The following NOL4 variants were observed in gnomAD, a reference collection of about 807,000 sequenced individuals.
The protein encoded by NOL4 is cancer/testis antigen 125.
A neutral mutation model predicts 75.9 loss-of-function variants in NOL4; 17 were observed. The observed-to-expected ratio is 0.22, with a 90% CI of 0.15 to 0.34. The LOEUF is 0.34. NOL4 is among the 10% of genes least tolerant of loss of function. The pLI is 1.00. For missense variants in NOL4, 614 were observed against 793.5 expected (o/e 0.77, Z 2.72); for synonymous variants, 292 against 289.9 (o/e 1.01, Z -0.07).
Position 33,969,758 on chromosome 18 carries a change from C to CAAAA in NOL4, c.1057-11344_1057-11341dup, listed in dbSNP as rs5823932. On this transcript the variant is annotated intron_variant, in intron 6 of 10. Coordinates refer to ENST00000261592, the MANE Select transcript of NOL4 (RefSeq NM_003787.5). ...TTTTGACATTTTTCCAGTGCTTGTC[C>CAAAA]AAAAAAAAAAAAAAAGATCAAATTT... 3.1e-3 allele frequency among the ~76,000 whole-genome samples: 431 copies of CAAAA among 140,904 alleles called. 3 individuals are homozygous for CAAAA. The highest frequency in any genetic ancestry group is 0.019 in the Middle Eastern group (5 of 260). The allele number at this position is 140,904 out of a possible 152,430, so 92.4% of individuals were successfully genotyped here.
intron 2 of NOL4, among the ~76,000 whole-genome samples, chr18:34,124,734 A>C (rs11081845): frequency 0.22 from 33,518 of 151,828 alleles, 4,357 homozygotes; most frequent in East Asian, 0.43. Context: ...GTGAAACCCC[A>C]TCTCTACTTA....
chr18:33,945,944 G>A (rs949406067), intron 8 of NOL4, among the ~76,000 whole-genome samples: 6 of 151,580 alleles, frequency 4.0e-5, no homozygotes, highest in Non-Finnish European at 7.4e-5. Context: ...CTCAGGTTTC[G>A]TGTCTCCCAA....
Position 34,019,547 on chromosome 18 carries a change from A to C in NOL4, c.827T>G (p.Ile276Ser). The C allele has an allele frequency of 6.2e-7, 1 of 1,614,000 alleles. No individual in the cohort carries two copies. The highest frequency in any genetic ancestry group is 8.5e-7 in the Non-Finnish European group (1 of 1,179,954). Reference sequence around the variant, plus strand: ...CCTGCTGTGTGTTCCCCCTGAAGCAATTGAACTGTGCCCCAGAGTCTCATT... The same window carrying C: ...CCTGCTGTGTGTTCCCCCTGAAGCACTTGAACTGTGCCCCAGAGTCTCATT... The part of the protein sequence containing the change: ...NGNETLGHSS[I>S]ASGGTHSREM... Residue 276 changes from isoleucine (I) to serine (S), a missense_variant, in exon 6 of 11, where the codon ATT becomes AGT. Around this residue, in one of 9 missense-constraint regions of NOL4, gnomAD observed 196 missense variants for 167.9 expected, o/e 1.17. Transcript: ENST00000261592.
intron 2 of NOL4, among the ~76,000 whole-genome samples, chr18:34,125,632 A>G (rs2080349335): frequency 6.6e-6 from 1 of 152,176 alleles, no homozygotes. Flanking sequence ...TAGATATGAT[A>G]GTATAAATAT....
chr18:33,954,145 A>C (rs2069465294), intron 8 of NOL4, among the ~76,000 whole-genome samples: 1 of 152,186 alleles, frequency 6.6e-6, no homozygotes, highest in African/African-American at 2.4e-5. Flanking sequence ...ACTGTCTCAT[A>C]TACTTTAAAT....
At chr18:34,122,281 A>G (rs1268489878) in intron 2 of NOL4, among the ~76,000 whole-genome samples, 2 of 152,154 alleles carry the variant, frequency 1.3e-5, no homozygotes, top group African/African-American at 4.8e-5. Flanking sequence ...TACTTATCAT[A>G]AGACAACTAA....
chr18:33,969,744 T>G (rs1005227250), intron 6 of NOL4, among the ~76,000 whole-genome samples: 2 of 138,724 alleles, frequency 1.4e-5, no homozygotes, highest in African/African-American at 5.4e-5. Context: ...TTTGACATTT[T>G]TCCAGTGCTT....
intron 1 of NOL4, among the ~76,000 whole-genome samples, chr18:34,210,643 C>T (rs977496469): frequency 4.6e-5 from 7 of 152,248 alleles, no homozygotes; most frequent in African/African-American, 1.7e-4. Context: ...ACTAGTGAAG[C>T]TCTATTAAAA....
intron 5 of NOL4, among the ~76,000 whole-genome samples, chr18:34,053,056 T>C (rs2076688283): frequency 6.6e-6 from 1 of 151,934 alleles, no homozygotes; most frequent in Admixed American, 6.6e-5. Context: ...AAAACACCAA[T>C]TTTGGTGTGA....
intron 8 of NOL4, among the ~76,000 whole-genome samples, chr18:33,947,417 C>T (rs1291183814): frequency 6.6e-6 from 1 of 151,588 alleles, no homozygotes; most frequent in East Asian, 1.9e-4. Context: ...TAAGAGTGGC[C>T]ATAAAACACA....
intron 5 of NOL4, among the ~76,000 whole-genome samples, chr18:34,086,731 C>T (rs2078261398): frequency 6.6e-6 from 1 of 152,038 alleles, no homozygotes; most frequent in Non-Finnish European, 1.5e-5. Flanking sequence ...GTAAAAACAG[C>T]ATTTCAAAGG....
At chr18:34,221,036 AG>A (rs2037263725) in intron 1 of NOL4, 1 of 152,192 alleles carries the variant, frequency 6.6e-6, no homozygotes, top group Non-Finnish European at 1.5e-5. Context: ...AAAATTGTTC[AG>A]AATTTATGTT....
At chr18:33,974,126 A>G (rs2071303522) in intron 6 of NOL4, among the ~76,000 whole-genome samples, 1 of 152,190 alleles carries the variant, frequency 6.6e-6, no homozygotes, top group South Asian at 2.1e-4. Context: ...CTTCTGGATA[A>G]CTTGCTGCAA....
intron 6 of NOL4, among the ~76,000 whole-genome samples, chr18:33,975,636 A>G (rs187602959): frequency 2.2e-4 from 34 of 152,266 alleles, no homozygotes; most frequent in African/African-American, 8.2e-4. Flanking sequence ...TTAGCCAGGC[A>G]TGGTGGCGGG....
chr18:33,951,675 C>T (rs957408424), intron 8 of NOL4, among the ~76,000 whole-genome samples: 5 of 152,102 alleles, frequency 3.3e-5, no homozygotes, highest in East Asian at 3.9e-4. Flanking sequence ...GGGTAACTTA[C>T]ATACTTCTGT....
At chr18:33,923,328 T>G (rs2067145959) in intron 9 of NOL4, among the ~76,000 whole-genome samples, 1 of 152,000 alleles carries the variant, frequency 6.6e-6, no homozygotes. Flanking sequence ...TTATCCTTTT[T>G]GTGTTTTAAG....
intron 5 of NOL4, among the ~76,000 whole-genome samples, chr18:34,089,005 A>G (rs2078377746): frequency 6.6e-6 from 1 of 152,102 alleles, no homozygotes. Flanking sequence ...CTGAGTGTAT[A>G]CATATCTATA....
At chr18:33,917,745 C>T (rs1336864798) in intron 9 of NOL4, among the ~76,000 whole-genome samples, 1 of 152,070 alleles carries the variant, frequency 6.6e-6, no homozygotes, top group Non-Finnish European at 1.5e-5. Context: ...TTTCTGCAAT[C>T]CTTCCTCCTC....
At chr18:33,906,302 G>T (rs1473781920) in intron 9 of NOL4, among the ~76,000 whole-genome samples, 1 of 152,108 alleles carries the variant, frequency 6.6e-6, no homozygotes, top group African/African-American at 2.4e-5. Context: ...AGTCACCTCT[G>T]GACTCCAACC....
Sources: allele counts gnomAD v4.1 joint callset (sites outside exome capture counted in the v4.1 genomes callset), GRCh38; gene constraint gnomAD v4.1.1; regional missense constraint gnomAD v4.1.1; transcripts MANE v1.5; gene names NCBI Gene and HGNC (gene_info 2026-07-23, HGNC 2026-07-21).